UBE2W: variants seen among roughly 807,000 people sequenced by gnomAD.
UBE2W encodes ubiquitin conjugating enzyme E2 W, also known as ubiquitin-conjugating enzyme E2 W.
UBE2W carries 18 observed loss-of-function variants against 27.2 expected under a neutral mutation model. The ratio of observed to expected loss-of-function variants is 0.66; its 90% CI spans 0.46 to 0.98. The LOEUF is 0.98. Ranked by LOEUF, UBE2W falls within the 50% of genes least tolerant of loss-of-function variation. UBE2W has a pLI of 0.00. For synonymous variants in UBE2W, 53 were observed against 57.2 expected, an observed-to-expected ratio of 0.93 and a Z score of 0.33; for missense variants, 90 against 180.2, an observed-to-expected ratio of 0.50 and a Z score of 2.87.
chr8:73,876,605 G>A (rs1447746310), intron 1 of UBE2W, among the ~76,000 whole-genome samples: 1 of 152,210 alleles, frequency 6.6e-6, no homozygotes, highest in Admixed American at 6.5e-5. Context: ...AAGAGTCTGA[G>A]ATAGTAATAC....
intron 2 of UBE2W, among the ~76,000 whole-genome samples, chr8:73,829,934 A>G (rs1810004379): frequency 1.3e-5 from 2 of 152,290 alleles, no homozygotes; most frequent in South Asian, 4.1e-4. Flanking sequence ...ATGACTGCTG[A>G]GAGTCACACT....
At chr8:73,830,293 A>G in intron 2 of UBE2W, 88 bp downstream of exon 2, 1 of 938,572 alleles carries the variant, frequency 1.1e-6, no homozygotes, top group Non-Finnish European at 1.7e-6. Flanking sequence ...ATGAAATGTG[A>G]AAATAATTTT....
intron 1 of UBE2W, among the ~76,000 whole-genome samples, chr8:73,877,224 T>A (rs1038202180): frequency 6.6e-6 from 1 of 152,260 alleles, no homozygotes; most frequent in South Asian, 2.1e-4. Flanking sequence ...AGTGGTAATG[T>A]AGCCTATTGC....
At chr8:73,810,733 C>G in intron 3 of UBE2W, 104 bp from the exon 4 acceptor site, 2 of 895,968 alleles carry the variant, frequency 2.2e-6, no homozygotes, top group Non-Finnish European at 1.6e-6. Context: ...AACAAAAAAC[C>G]ACCAAAATCA....
rs141369193 is a variant in UBE2W at position 73,845,511 on chromosome 8, T to C, written c.16-15039A>G. 1.1e-3 allele frequency among the ~76,000 whole-genome samples: 169 copies of C among 152,276 alleles called. 5 individuals are homozygous for C. The East Asian group carries it at 0.026, about 23-fold the overall frequency. ...GTTAAACAGATGCTTGAAGGCAGCATACTCGTTAAGAGTCATCACCACTCC... is the reference window on the plus strand; with the variant it reads ...GTTAAACAGATGCTTGAAGGCAGCACACTCGTTAAGAGTCATCACCACTCC... On this transcript the variant is annotated intron_variant, in intron 1 of 5. Coordinates refer to ENST00000602593, the MANE Select transcript of UBE2W (RefSeq NM_018299.6).
rs762576998 is a variant in UBE2W at position 73,878,797 on chromosome 8, A to C, written c.15+11T>G. ...TCCCTGGCCCGCCCAGATGCAGCAA[A>C]CTCCTCTCACCTGCATTGACGCCAT... On this transcript the variant is annotated intron_variant, in intron 1 of 5. Coordinates refer to ENST00000602593, the MANE Select transcript of UBE2W (RefSeq NM_018299.6). 4 of 1,548,604 alleles carry C rather than the reference A, an allele frequency of 2.6e-6. No homozygotes were observed. The highest frequency in any genetic ancestry group is 1.4e-5 in the African/African-American group (1 of 72,578).
intron 1 of UBE2W, among the ~76,000 whole-genome samples, chr8:73,856,357 ATTTTTTTTTTT>A (rs34593904): frequency 2.2e-5 from 2 of 89,344 alleles, no homozygotes; most frequent in South Asian, 4.3e-4. Context: ...ACACTTATGA[ATTTTTTTTTTT>A]TTTTTTTTTT....
rs1337683681 is a variant in UBE2W, at chr8:73,789,881, C to A, written c.*4221G>T. On this transcript the variant is annotated 3_prime_UTR_variant, in exon 6 of 6. Transcript: ENST00000602593. ...AATAATAAAAATAATCATTCCACAT[C>A]TCAAAATGACTTAGAAATTTAAATG... 1.1e-6 allele frequency: 1 copy of A among 950,754 alleles called. No homozygotes were observed. The highest frequency in any genetic ancestry group is 1.3e-6 in the Non-Finnish European group (1 of 798,712). The allele number at this position is 950,754 out of a possible 1,614,324, so 58.9% of individuals were successfully genotyped here.
At position 73,790,395 on chromosome 8, in the gene UBE2W, G is replaced by A. The variant is rs1045581782; in HGVS notation, c.*3707C>T. ...ACCTCAATCATGCACAGGCAGTAAC[G>A]GCATTACTATAACACAGAACAGTAT... On this transcript the variant is annotated 3_prime_UTR_variant, in exon 6 of 6. Coordinates refer to ENST00000602593, the MANE Select transcript of UBE2W (RefSeq NM_018299.6). 227 of 985,308 alleles carry A rather than the reference G, an allele frequency of 2.3e-4. No homozygotes were observed. Among genetic ancestry groups the A allele is most frequent in the African/African-American group, 2.1e-3 (118 of 57,316 alleles). The allele number at this position is 985,308 out of a possible 1,614,324, so 61.0% of individuals were successfully genotyped here.
chr8:73,790,620 C>T lies in UBE2W; in HGVS notation c.*3482G>A. 2 of 985,066 alleles carry T rather than the reference C, an allele frequency of 2.0e-6. No homozygotes were observed. Among genetic ancestry groups the T allele is most frequent in the Non-Finnish European group, 2.4e-6 (2 of 829,620 alleles). The allele number at this position is 985,066 out of a possible 1,614,324, so 61.0% of individuals were successfully genotyped here. On this transcript the variant is annotated 3_prime_UTR_variant, in exon 6 of 6. Coordinates refer to ENST00000602593, the MANE Select transcript of UBE2W (RefSeq NM_018299.6). ...CCATAAAGGCTTAGAACTAGTGACA[C>T]TGAATTCTTTATTTAAAAAAATTTT... is the stretch of plus-strand genomic sequence containing the variant.
chr8:73,780,492 A>C lies in UBE2W; in HGVS notation c.456T>G (p.Ser152=), dbSNP rs1455519622. 1.1e-5 allele frequency: 5 copies of C among 453,484 alleles called. No individual in the cohort carries two copies. The East Asian group carries it at 3.5e-4, about 32-fold the overall frequency. The allele number at this position is 453,484 out of a possible 1,614,324, so 28.1% of individuals were successfully genotyped here. A position where few individuals can be genotyped will look rare whatever the true frequency, so the allele number is the denominator to read the frequency against. ...TGGAGGACATGATTCAATCCGTAAT[A>C]GATAGTATGAAGGCAGATTTCAGTT... The change falls in exon 5 of 5, where the codon TCT becomes TCG. Residue 152 remains serine (S), a synonymous_variant. Transcript: ENST00000523278.
At chr8:73,845,577 G>A (rs1362822584) in intron 1 of UBE2W, among the ~76,000 whole-genome samples, 3 of 151,906 alleles carry the variant, frequency 2.0e-5, no homozygotes, top group Admixed American at 6.6e-5. Flanking sequence ...TGCGGAAGGC[G>A]GCAGGGCCCT....
chr8:73,851,544 T>G (rs987308023), intron 1 of UBE2W, among the ~76,000 whole-genome samples: 3 of 152,186 alleles, frequency 2.0e-5, no homozygotes, highest in Non-Finnish European at 4.4e-5. Context: ...TTTCTTTCCA[T>G]GAATCTGTAT....
At chr8:73,825,754 T>TCA (rs1809811045) in intron 2 of UBE2W, among the ~76,000 whole-genome samples, 1 of 152,110 alleles carries the variant, frequency 6.6e-6, no homozygotes, top group Non-Finnish European at 1.5e-5. Context: ...TGAGCCAAGA[T>TCA]CATGCCACTG....
chr8:73,839,656 C>CA (rs370096009), intron 1 of UBE2W, among the ~76,000 whole-genome samples: 3,136 of 143,038 alleles, frequency 0.022, 105 homozygotes, highest in African/African-American at 0.075. Context: ...GACTCCATCT[C>CA]AAAAAAAAAC....
chr8:73,824,966 G>A (rs571514011), intron 3 of UBE2W, among the ~76,000 whole-genome samples, 181 bp downstream of exon 3: 5 of 152,334 alleles, frequency 3.3e-5, no homozygotes, highest in Admixed American at 3.3e-4. Context: ...GCAAAATGCA[G>A]TAAAGCCCTA....
chr8:73,861,916 C>A (rs2130972850), intron 1 of UBE2W, among the ~76,000 whole-genome samples: 1 of 152,326 alleles, frequency 6.6e-6, no homozygotes, highest in East Asian at 1.9e-4. Context: ...AATGGGTGGT[C>A]TTTGACAGAA....
chr8:73,821,846 T>A (rs1329409381), intron 3 of UBE2W, among the ~76,000 whole-genome samples: 1 of 151,902 alleles, frequency 6.6e-6, no homozygotes, highest in Non-Finnish European at 1.5e-5. Flanking sequence ...ACAAAAAATA[T>A]AAAAATTAGC....
chr8:73,791,266 AG>A lies in UBE2W; in HGVS notation c.*2835del, dbSNP rs1338708347. 10,609 of 982,236 alleles carry A rather than the reference AG, an allele frequency of 0.011. 869 individuals carry two copies. The African/African-American group carries it at 0.17, about 16-fold the overall frequency. 60.8% of individuals were successfully genotyped at this position (982,236 alleles called of 1,614,324 possible). ...ATGGCATTAATCCCTACTTGACCAA[AG>A]AAAAAAAAAAAAAAGAAGGGCATCA... On this transcript the variant is annotated 3_prime_UTR_variant, in exon 6 of 6. Coordinates refer to ENST00000602593, the MANE Select transcript of UBE2W (RefSeq NM_018299.6).
Sources: allele counts gnomAD v4.1 joint callset (sites outside exome capture counted in the v4.1 genomes callset), GRCh38; gene constraint gnomAD v4.1.1; transcripts MANE v1.5; gene names NCBI Gene and HGNC (gene_info 2026-07-23, HGNC 2026-07-21).